Variants in CYP4X1 observed in about 807,000 individuals in gnomAD.
CYP4X1 encodes the protein cytochrome P450 4X1.
CYP4X1 carries 44 observed loss-of-function variants against 57.9 expected under a neutral mutation model. That is an observed-to-expected ratio of 0.76 (90% CI 0.60 to 0.98). The LOEUF (loss-of-function observed/expected upper bound fraction) is 0.98. CYP4X1 is among the 50% of genes least tolerant of loss of function. CYP4X1 has a pLI of 0.00. For missense variants in CYP4X1, 532 were observed against 623.9 expected (o/e 0.85, Z 1.57); for synonymous variants, 227 against 228.6 (o/e 0.99, Z 0.06).
At chr1:46,983,068 G>A in the CYP4X1 span, among the ~76,000 whole-genome samples, 1 of 152,200 alleles carries the variant, frequency 6.6e-6, no homozygotes, top group Non-Finnish European at 1.5e-5. Flanking sequence ...GGTGGGGTGG[G>A]GAGCTTGTGG....
the CYP4X1 span, among the ~76,000 whole-genome samples, chr1:46,993,039 G>A: frequency 2.0e-5 from 3 of 151,580 alleles, no homozygotes; most frequent in African/African-American, 4.9e-5. Flanking sequence ...CCATTAACTC[G>A]TCATTTAACA....
chr1:47,005,329 G>T, the CYP4X1 span, among the ~76,000 whole-genome samples: 1 of 152,166 alleles, frequency 6.6e-6, no homozygotes, highest in African/African-American at 2.4e-5. Flanking sequence ...AGGGGGCTTG[G>T]TTAATGTGTG....
chr1:47,038,398 G>T (rs955569167), intron 6 of CYP4X1, among the ~76,000 whole-genome samples: 1 of 152,014 alleles, frequency 6.6e-6, no homozygotes, highest in African/African-American at 2.4e-5. Context: ...AGAATAATTG[G>T]TCACTTGCAT....
upstream of CYP4X1, among the ~76,000 whole-genome samples, chr1:47,022,567 G>A (rs1644010242): frequency 6.6e-6 from 1 of 151,818 alleles, no homozygotes; most frequent in Admixed American, 6.6e-5. Context: ...GGGATTACAG[G>A]CGTGAGCCAC....
At chr1:47,041,024 T>C (rs1039119887) in intron 8 of CYP4X1, among the ~76,000 whole-genome samples, 10 of 152,160 alleles carry the variant, frequency 6.6e-5, no homozygotes, top group African/African-American at 2.4e-4. Context: ...GATTTCCACA[T>C]GTGAGATCAT....
chr1:46,967,660 G>A, the CYP4X1 span: 2 of 481,366 alleles, frequency 4.2e-6, no homozygotes, highest in South Asian at 1.2e-4. Context: ...AGACAGGGTG[G>A]CAGGTGGAGG....
At chr1:46,998,547 G>C in the CYP4X1 span, among the ~76,000 whole-genome samples, 1 of 152,042 alleles carries the variant, frequency 6.6e-6, no homozygotes, top group Admixed American at 6.5e-5. Context: ...TTACTCTGTT[G>C]ATTTTTTCTT....
At chr1:46,979,841 T>G in the CYP4X1 span, among the ~76,000 whole-genome samples, 2 of 151,966 alleles carry the variant, frequency 1.3e-5, no homozygotes, top group Non-Finnish European at 2.9e-5. Flanking sequence ...ATCAATAAAC[T>G]TAATCCATCA....
chr1:47,012,067 C>A, the CYP4X1 span, among the ~76,000 whole-genome samples: 1 of 152,072 alleles, frequency 6.6e-6, no homozygotes, highest in Non-Finnish European at 1.5e-5. Flanking sequence ...GGGTATATAC[C>A]CAAAGGATTA....
the CYP4X1 span, among the ~76,000 whole-genome samples, chr1:46,970,911 G>A: frequency 1.3e-5 from 2 of 152,042 alleles, no homozygotes; most frequent in African/African-American, 4.8e-5. Context: ...TTGAAATTTT[G>A]TTGTCCATTA....
At chr1:47,018,715 T>C (rs1643967641), upstream of CYP4X1, among the ~76,000 whole-genome samples, 3 of 152,204 alleles carry the variant, frequency 2.0e-5, no homozygotes, top group Admixed American at 2.0e-4. Context: ...GTTTAAGTTG[T>C]CTAGTCTTCA....
At chr1:46,986,754 C>A in the CYP4X1 span, among the ~76,000 whole-genome samples, 1 of 151,128 alleles carries the variant, frequency 6.6e-6, no homozygotes, top group Non-Finnish European at 1.5e-5. Context: ...AAAAGAATTT[C>A]TTTTCTTTCA....
chr1:47,004,736 C>A, the CYP4X1 span, among the ~76,000 whole-genome samples: 1 of 152,132 alleles, frequency 6.6e-6, no homozygotes, highest in Admixed American at 6.5e-5. Flanking sequence ...AGATAATTGC[C>A]CTGGCTGGAA....
the CYP4X1 span, among the ~76,000 whole-genome samples, chr1:46,966,959 G>A: frequency 3.9e-5 from 6 of 152,206 alleles, no homozygotes; most frequent in African/African-American, 1.4e-4. Flanking sequence ...TAGACCCTAA[G>A]GGGATGTGTA....
the CYP4X1 span, among the ~76,000 whole-genome samples, chr1:46,970,242 T>G: frequency 6.6e-6 from 1 of 152,156 alleles, no homozygotes; most frequent in Non-Finnish European, 1.5e-5. Context: ...ATTTCTAAAG[T>G]GAAGAAAACA....
chr1:47,038,710 G>A lies in CYP4X1; in HGVS notation c.826G>A (p.Asp276Asn). The change falls in exon 7 of 12, where the codon GAT becomes AAT. Residue 276 changes from aspartate (D) to asparagine (N), a missense_variant. Asp to Asn is a conservative substitution (Grantham distance 23). Transcript: ENST00000371901. ...KKSLQAGVKQ[D>N]NTPKRKYQDF... ...ATCCCTCCAGGCTGGGGTAAAGCAG[G>A]ATAACACTCCGAAGAGGAAGTACCA... 1 of 1,611,364 alleles carries A rather than the reference G, an allele frequency of 6.2e-7. No homozygotes were observed. Among genetic ancestry groups the A allele is most frequent in the Non-Finnish European group, 8.5e-7 (1 of 1,178,762 alleles).
chr1:46,977,761 A>C, the CYP4X1 span, among the ~76,000 whole-genome samples: 3 of 152,140 alleles, frequency 2.0e-5, no homozygotes, highest in South Asian at 2.1e-4. Flanking sequence ...AGCCCATCAG[A>C]CTAACAGCTG....
the CYP4X1 span, among the ~76,000 whole-genome samples, chr1:46,973,680 T>A: frequency 2.6e-5 from 4 of 152,176 alleles, no homozygotes; most frequent in Non-Finnish European, 4.4e-5. Context: ...CAGGAATTTA[T>A]CCATTTATTC....
At chr1:46,968,264 C>G in the CYP4X1 span, among the ~76,000 whole-genome samples, 3 of 152,172 alleles carry the variant, frequency 2.0e-5, no homozygotes, top group Non-Finnish European at 4.4e-5. Context: ...TAATTCTACT[C>G]CAGAAATGTC....
Sources: gnomAD v4.1 joint callset for allele counts (sites outside exome capture counted in the v4.1 genomes callset) on GRCh38, gnomAD v4.1.1 for gene constraint, MANE v1.5 for transcripts, NCBI Gene and HGNC (gene_info 2026-07-23, HGNC 2026-07-21) for gene names.